Variants in NCKAP5 observed in about 807,000 individuals in gnomAD.
NCKAP5 encodes NCK associated protein 5, also known as nck-associated protein 5.
NCKAP5 carries 92 observed loss-of-function variants against 167.0 expected under a neutral mutation model. That is an observed-to-expected ratio of 0.55 (90% CI 0.47 to 0.66). The LOEUF (loss-of-function observed/expected upper bound fraction) is 0.66. Among genes scored for constraint, NCKAP5 ranks in the 30% least tolerant of loss-of-function variants. The pLI is 0.00. For synonymous variants in NCKAP5, 891 were observed against 877.4 expected, an observed-to-expected ratio of 1.02 and a Z score of -0.27; for missense variants, 2,378 against 2,315.0, an observed-to-expected ratio of 1.03 and a Z score of -0.56.
chr2:133,661,310 A>C, the NCKAP5 span, among the ~76,000 whole-genome samples: 20 of 152,312 alleles, frequency 1.3e-4, no homozygotes, highest in South Asian at 2.1e-3. Context: ...TCTTAGACAC[A>C]ATATGCCCAG....
intron 6 of NCKAP5, among the ~76,000 whole-genome samples, chr2:133,081,233 G>C (rs1405105748): frequency 6.6e-6 from 1 of 152,080 alleles, no homozygotes; most frequent in Non-Finnish European, 1.5e-5. Flanking sequence ...TCTTCCTACA[G>C]TGCATATTAT....
intron 3 of NCKAP5, among the ~76,000 whole-genome samples, chr2:133,396,698 G>T (rs1687748968): frequency 6.6e-6 from 1 of 151,964 alleles, no homozygotes; most frequent in Non-Finnish European, 1.5e-5. Flanking sequence ...TTTCAACTTG[G>T]TTACCTCTAT....
At chr2:132,874,103 A>AT (rs4057987) in intron 9 of NCKAP5, among the ~76,000 whole-genome samples, 2,285 of 113,096 alleles carry the variant, frequency 0.02, 57 homozygotes, top group African/African-American at 0.052. Flanking sequence ...CAAGACCTTG[A>AT]TTTTTTTTTT....
chr2:132,981,752 C>A (rs541710470), intron 7 of NCKAP5, among the ~76,000 whole-genome samples: 6 of 152,286 alleles, frequency 3.9e-5, no homozygotes, highest in Non-Finnish European at 7.4e-5. Flanking sequence ...ATACAGCAAA[C>A]CCTCAGATTA....
intron 6 of NCKAP5, among the ~76,000 whole-genome samples, chr2:133,064,393 C>T (rs2080117256): frequency 1.3e-5 from 2 of 151,850 alleles, no homozygotes; most frequent in African/African-American, 4.8e-5. Context: ...AAAGGGTCTG[C>T]TAACAATACA....
At chr2:133,498,515 C>CAGGCAGGCAGGCAGGCAGGCAGG (rs1682177545) in intron 3 of NCKAP5, among the ~76,000 whole-genome samples, 1 of 102,652 alleles carries the variant, frequency 9.7e-6, no homozygotes, top group Admixed American at 9.5e-5. Context: ...AGGCAGGCAG[C>CAGGCAGGCAGGCAGGCAGGCAGG]CAAGAAGAAA....
intron 6 of NCKAP5, among the ~76,000 whole-genome samples, chr2:133,057,548 A>G (rs1321048078): frequency 1.3e-5 from 2 of 152,226 alleles, no homozygotes; most frequent in Admixed American, 1.3e-4. Flanking sequence ...AGCAGCTACA[A>G]TATCCCCTTA....
rs968058109 is a variant in NCKAP5, at chr2:132,782,745, C to T, written c.4066G>A (p.Gly1356Ser). ...SSGKGSLGSS[G>S]SFSSQHGSPS... ...CTCCCATGCTGACTGCTGAAGCTGC[C>T]TGAGCTCCCCAGGGAGCCCTTCCCG... Residue 1356 changes from glycine to serine, a missense_variant, in exon 14 of 20, where the codon GGC becomes AGC. Coordinates refer to ENST00000409261, the MANE Select transcript of NCKAP5 (RefSeq NM_207363.3). 9.3e-6 allele frequency: 15 copies of T among 1,613,882 alleles called. No homozygotes were observed. The Admixed American group carries it at 1.8e-4, about 20-fold the overall frequency.
At chr2:133,249,163 G>A (rs148707476) in intron 4 of NCKAP5, among the ~76,000 whole-genome samples, 208 of 151,984 alleles carry the variant, frequency 1.4e-3, no homozygotes, top group African/African-American at 4.7e-3. Context: ...TACCTTACAC[G>A]GTAAAAGGAA....
At chr2:133,389,632 AC>A (rs563682942) in intron 3 of NCKAP5, among the ~76,000 whole-genome samples, 5 of 152,356 alleles carry the variant, frequency 3.3e-5, no homozygotes, top group African/African-American at 1.2e-4. Context: ...ACTAAACGAT[AC>A]ACCTATTTCT....
intron 18 of NCKAP5, 134 bp from the exon 19 acceptor site, chr2:132,725,893 G>C: frequency 2.1e-6 from 2 of 941,202 alleles, no homozygotes; most frequent in South Asian, 1.7e-5. Context: ...TGCCCAGCCC[G>C]CCGCTCACCC....
At position 133,033,343 on chromosome 2, in the gene NCKAP5, A is replaced by G. The variant is rs13392143; in HGVS notation, c.342-39104T>C. Among the ~76,000 whole-genome samples, 1,030 of 152,324 alleles carry G rather than the reference A, an allele frequency of 6.8e-3. 6 individuals carry two copies. Among genetic ancestry groups the G allele is most frequent in the African/African-American group, 0.023 (974 of 41,572 alleles). On this transcript the variant is annotated intron_variant, in intron 6 of 19. Coordinates refer to ENST00000409261, the MANE Select transcript of NCKAP5 (RefSeq NM_207363.3). ...AAAGGAAGATACAGCTTAGATCACA[A>G]CACCGAAGTCCTTTCAAATATCAGG...
intron 6 of NCKAP5, among the ~76,000 whole-genome samples, chr2:133,064,883 A>T (rs974440059): frequency 6.6e-6 from 1 of 152,222 alleles, no homozygotes; most frequent in African/African-American, 2.4e-5. Flanking sequence ...TTAAAAGTTT[A>T]TTAAAGTGAA....
the NCKAP5 span, among the ~76,000 whole-genome samples, chr2:133,616,626 C>A: frequency 6.6e-6 from 1 of 151,974 alleles, no homozygotes; most frequent in Admixed American, 6.6e-5. Context: ...TCTGAATAGA[C>A]CAATAACAGG....
chr2:132,747,420 A>G (rs1679745604), intron 16 of NCKAP5, among the ~76,000 whole-genome samples: 1 of 152,142 alleles, frequency 6.6e-6, no homozygotes, highest in Non-Finnish European at 1.5e-5. Context: ...CTTTTCAATA[A>G]TCGTGGGAAA....
chr2:132,843,264 T>C (rs1234943721), intron 11 of NCKAP5, among the ~76,000 whole-genome samples: 1 of 152,166 alleles, frequency 6.6e-6, no homozygotes, highest in East Asian at 1.9e-4. Context: ...TTTATCAGAA[T>C]TGCTCAATTC....
Position 133,402,809 on chromosome 2 carries a change from G to A in NCKAP5, c.70-99699C>T, listed in dbSNP as rs75978943. ...CAGCACCATGCTTCCTGTACAGCCC[G>A]CAGAACTGTAAGCCAAAATAAACCT... On this transcript the variant is annotated intron_variant, in intron 3 of 19. Coordinates refer to ENST00000409261, the MANE Select transcript of NCKAP5 (RefSeq NM_207363.3). Among the ~76,000 whole-genome samples, 666 of 152,146 alleles carry A rather than the reference G, an allele frequency of 4.4e-3. 7 individuals are homozygous for A. The highest frequency in any genetic ancestry group is 0.015 in the African/African-American group (630 of 41,508).
At chr2:132,913,700 T>C (rs1468000916) in intron 8 of NCKAP5, among the ~76,000 whole-genome samples, 3 of 152,256 alleles carry the variant, frequency 2.0e-5, no homozygotes, top group Non-Finnish European at 2.9e-5. Context: ...CTCTTGCAAA[T>C]TATGCAAGAC....
chr2:133,107,162 A>T (rs1026201126), intron 6 of NCKAP5, among the ~76,000 whole-genome samples: 2 of 152,164 alleles, frequency 1.3e-5, no homozygotes, highest in Non-Finnish European at 2.9e-5. Flanking sequence ...CAAACTCTTC[A>T]CACTAGACCC....
Sources: gnomAD v4.1 joint callset for allele counts (sites outside exome capture counted in the v4.1 genomes callset) on GRCh38, gnomAD v4.1.1 for gene constraint, MANE v1.5 for transcripts, NCBI Gene and HGNC (gene_info 2026-07-23, HGNC 2026-07-21) for gene names.